Variants in PLOD3 observed in about 807,000 individuals in gnomAD.
The protein encoded by PLOD3 is procollagen-lysine,2-oxoglutarate 5-dioxygenase 3.
PLOD3 carries 73 observed loss-of-function variants against 96.9 expected under a neutral mutation model. That is an observed-to-expected ratio of 0.75 (90% CI 0.62 to 0.92). The LOEUF (loss-of-function observed/expected upper bound fraction) is 0.92. Ranked by LOEUF, PLOD3 falls within the 40% of genes least tolerant of loss-of-function variation. The probability of loss-of-function intolerance (pLI) is 0.00; values close to 1 mark genes in which losing one functional copy is unlikely to be tolerated. For synonymous variants in PLOD3, 454 were observed against 413.7 expected (o/e 1.10, Z -1.18); for missense variants, 1,004 against 1,004.3 (o/e 1.00, Z 0.00).
chr7:101,215,880 G>T, intron 5 of PLOD3, 28 bp downstream of exon 5: 1 of 1,456,314 alleles, frequency 6.9e-7, no homozygotes, highest in Non-Finnish European at 9.6e-7. Context: ...AGAGCTGCGG[G>T]ATGCGCCCAC....
Position 101,211,666 on chromosome 7 carries a change from A to G in PLOD3, c.1283T>C (p.Phe428Ser). ...LSRHGKLWSNFWGALSPDEYY... is the reference protein window; with the variant it reads ...LSRHGKLWSNSWGALSPDEYY... The stretch of plus-strand genomic sequence containing the variant: ...CTCATCGGGGCTCAGGGCGCCCCAG[A>G]AGTTGGACCACAGCTTGCCGTGGCG... Residue 428 changes from phenylalanine to serine, a missense_variant, in exon 12 of 19, where the codon TTC becomes TCC. Physicochemically the swap from Phe to Ser is radical, Grantham distance 155 (BLOSUM62 -2). Around this residue, in one of 5 missense-constraint regions of PLOD3, gnomAD observed 690 missense variants for 650.2 expected, o/e 1.06. Coordinates refer to ENST00000223127, the MANE Select transcript of PLOD3 (RefSeq NM_001084.5). 1 of 1,607,738 alleles carries G rather than the reference A, an allele frequency of 6.2e-7. No individual in the cohort carries two copies. The highest frequency in any genetic ancestry group is 8.5e-7 in the Non-Finnish European group (1 of 1,177,704).
rs1798132764 is a variant in PLOD3 at position 101,208,859 on chromosome 7, C to A, written c.1782G>T (p.Arg594=). The A allele has an allele frequency of 6.2e-7, 1 of 1,609,528 alleles. No individual in the cohort carries two copies. Among genetic ancestry groups the A allele is most frequent in the South Asian group, 1.1e-5 (1 of 90,990 alleles). Residue 594 remains arginine, a synonymous_variant, in exon 16 of 19, where the codon CGG becomes CGT. Transcript: ENST00000223127. ...MEHYGQWSGG[R]HEDSRLAGGY... ...TCCTCGCCCAGGCCCTTACCTCATGCCGGCCGCCTGACCACTGGCCGTAGT... is the reference window on the plus strand; with the variant it reads ...TCCTCGCCCAGGCCCTTACCTCATGACGGCCGCCTGACCACTGGCCGTAGT...
intron 16 of PLOD3, 133 bp from the exon 17 acceptor site, chr7:101,207,857 T>C: frequency 1.0e-6 from 1 of 978,750 alleles, no homozygotes; most frequent in African/African-American, 1.6e-5. Context: ...TCTTCTTTGC[T>C]ACTTCTCGGC....
chr7:101,215,666 T>C (rs2116810081), intron 5 of PLOD3, among the ~76,000 whole-genome samples: 1 of 152,038 alleles, frequency 6.6e-6, no homozygotes, highest in Middle Eastern at 3.4e-3. Flanking sequence ...GGCTAATTTT[T>C]TCTTTCTTTT....
rs577147488 is a variant in PLOD3, at chr7:101,206,083, G to A, written c.*198C>T. 1.8e-5 allele frequency: 12 copies of A among 676,244 alleles called. No homozygotes were observed. In the African/African-American group the frequency reaches 2.1e-4, roughly 12 times the overall value. The allele number at this position is 676,244 out of a possible 1,614,324, so 41.9% of individuals were successfully genotyped here. ...CTGTGCCCACGAACCCCTGTGGGCG[G>A]AGGAGAGAGGCGGGGACTCCGGGAG... On this transcript the variant is annotated 3_prime_UTR_variant, in exon 19 of 19. Transcript: ENST00000223127.
chr7:101,209,519 AG>A (rs1562892006), intron 15 of PLOD3, among the ~76,000 whole-genome samples: 2 of 149,162 alleles, frequency 1.3e-5, no homozygotes, highest in Non-Finnish European at 3.0e-5. Context: ...CTGGGACTAC[AG>A]GTGCACGCCA....
rs990293973 is a variant in PLOD3, at chr7:101,206,123, C to T, written c.*158G>A. 5.8e-5 allele frequency: 48 copies of T among 834,680 alleles called. No individual in the cohort carries two copies. The highest frequency in any genetic ancestry group is 8.3e-5 in the African/African-American group (5 of 60,334). 51.7% of individuals were successfully genotyped at this position (834,680 alleles called of 1,614,324 possible). A position where few individuals can be genotyped will look rare whatever the true frequency, so the allele number is the denominator to read the frequency against. ...GACTCCGGGAGCTTCCTGAGAGGGC[C>T]GTGTCTTGGGAGCAAGGTGACATAT... On this transcript the variant is annotated 3_prime_UTR_variant, in exon 19 of 19. Transcript: ENST00000223127.
chr7:101,206,161 C>T lies in PLOD3; in HGVS notation c.*120G>A, dbSNP rs552485005. ...CAAGGTGACATATTCAGTTCAGGCA[C>T]GCGGAACATGAACTCAGGAAGTGGG... On this transcript the variant is annotated 3_prime_UTR_variant, in exon 19 of 19. Coordinates refer to ENST00000223127, the MANE Select transcript of PLOD3 (RefSeq NM_001084.5). 2.1e-5 allele frequency: 22 copies of T among 1,056,218 alleles called. No individual in the cohort carries two copies. The highest frequency in any genetic ancestry group is 3.4e-5 in the Admixed American group (2 of 59,284). 65.4% of individuals were successfully genotyped at this position (1,056,218 alleles called of 1,614,324 possible).
In PLOD3 at chr7:101,216,508, C is replaced by A. The variant is rs766295689; in HGVS notation, c.240G>T (p.Val80=). Residue 80 remains valine (V), a synonymous_variant, in exon 3 of 19, where the codon GTG becomes GTT. Coordinates refer to ENST00000223127, the MANE Select transcript of PLOD3 (RefSeq NM_001084.5). ...TCTGTCCTCCACCAACTGTTCGAGC[C>A]ACATCACCCCCTCGCCACTCCTCTC... ...GLGEEWRGGD[V]ARTVGGGQKV... 1 of 1,614,006 alleles carries A rather than the reference C, an allele frequency of 6.2e-7. No individual in the cohort carries two copies. Among genetic ancestry groups the A allele is most frequent in the Non-Finnish European group, 8.5e-7 (1 of 1,180,038 alleles).
chr7:101,214,938 T>G (rs982650017), intron 6 of PLOD3, 151 bp downstream of exon 6: 7 of 747,438 alleles, frequency 9.4e-6, no homozygotes, highest in African/African-American at 5.2e-5. Context: ...ATCAGCACAG[T>G]GCAACTTACA....
In PLOD3 at chr7:101,215,914, T is replaced by A; in HGVS notation, c.609A>T (p.Gly203=). 1 of 1,607,410 alleles carries A rather than the reference T, an allele frequency of 6.2e-7. No individual in the cohort carries two copies. Among genetic ancestry groups the A allele is most frequent in the Admixed American group, 1.7e-5 (1 of 59,988 alleles). ...LFYTRLYLDP[G]LREKLSLNLD... is the part of the protein sequence containing the mutation. Reference sequence around the variant, plus strand: ...ACTCCTCTGCCTTCCCTACCCTCAGTCCTGGGTCCAGGTAGAGCCGTGTGT... The same window carrying A: ...ACTCCTCTGCCTTCCCTACCCTCAGACCTGGGTCCAGGTAGAGCCGTGTGT... Residue 203 remains glycine (G), a synonymous_variant, in exon 5 of 19, where the codon GGA becomes GGT. Transcript: ENST00000223127.
chr7:101,206,550 G>A, intron 18 of PLOD3, 114 bp from the exon 19 acceptor site: 1 of 1,073,822 alleles, frequency 9.3e-7, no homozygotes, highest in Non-Finnish European at 1.4e-6. Context: ...AGACCGGGGT[G>A]ACAAGGGAGA....
intron 12 of PLOD3, 112 bp downstream of exon 12, chr7:101,211,479 C>A (rs1798179357): frequency 4.4e-6 from 5 of 1,140,290 alleles, no homozygotes; most frequent in Non-Finnish European, 6.1e-6. Flanking sequence ...CTGCAGCCAG[C>A]CTCATGGCAC....
chr7:101,216,580 G>A, intron 2 of PLOD3, 34 bp from the exon 3 acceptor site: 1 of 1,613,458 alleles, frequency 6.2e-7, no homozygotes. Flanking sequence ...CAGGCAAGGG[G>A]TGGGGAGTTG....
chr7:101,211,788 T>G (rs1798185707), intron 11 of PLOD3, 58 bp downstream of exon 11: 1 of 1,581,644 alleles, frequency 6.3e-7, no homozygotes, highest in Non-Finnish European at 8.6e-7. Flanking sequence ...AGGGCAGGAG[T>G]GGGGTTCCCG....
intron 16 of PLOD3, among the ~76,000 whole-genome samples, chr7:101,207,962 C>T (rs770790567): frequency 6.6e-6 from 1 of 152,154 alleles, no homozygotes; most frequent in East Asian, 1.9e-4. Flanking sequence ...AAGGCTTCCC[C>T]GTGGCTTCTA....
chr7:101,213,518 T>A (rs1584254543), intron 6 of PLOD3: 1 of 325,796 alleles, frequency 3.1e-6, no homozygotes, highest in East Asian at 7.1e-5. Context: ...TTTTTTTTTT[T>A]TTTATTTTTA....
At position 101,207,605 on chromosome 7, in the gene PLOD3, CTCGG is replaced by C; in HGVS notation, c.1904_1907del (p.Thr635ArgfsTer14). On this transcript the variant is annotated frameshift_variant, in exon 17 of 19. Coordinates refer to ENST00000223127, the MANE Select transcript of PLOD3 (RefSeq NM_001084.5). LOFTEE classifies it high-confidence loss of function. ...TGGTGTGGTAACCGGGAAACAGGCT[CTCGG>C]TCATGGGGCCCACATACGTCCGCAG... 6.2e-7 allele frequency: 1 copy of C among 1,614,086 alleles called. No homozygotes were observed. Among genetic ancestry groups the C allele is most frequent in the Non-Finnish European group, 8.5e-7 (1 of 1,179,980 alleles).
At chr7:101,212,483 G>T in intron 9 of PLOD3, 47 bp downstream of exon 9, 1 of 1,607,440 alleles carries the variant, frequency 6.2e-7, no homozygotes, top group East Asian at 2.2e-5. Context: ...TTCTGATCAG[G>T]GCAGGGAAAG....
Sources: allele counts gnomAD v4.1 joint callset (sites outside exome capture counted in the v4.1 genomes callset), GRCh38; gene constraint gnomAD v4.1.1; regional missense constraint gnomAD v4.1.1; transcripts MANE v1.5; gene names NCBI Gene and HGNC (gene_info 2026-07-23, HGNC 2026-07-21).